Variants in SLCO6A1 observed in about 807,000 individuals in gnomAD.
SLCO6A1 encodes the protein solute carrier organic anion transporter family member 6A1.
Under a neutral mutation model 72.7 loss-of-function variants are expected in SLCO6A1, and 65 were observed. The ratio of observed to expected loss-of-function variants is 0.89; its 90% CI spans 0.73 to 1.10. The LOEUF is 1.10. Ranked by LOEUF, SLCO6A1 falls within the 50% of genes least tolerant of loss-of-function variation. The probability of loss-of-function intolerance (pLI) is 0.00; values close to 1 mark genes in which losing one functional copy is unlikely to be tolerated. For missense variants in SLCO6A1, 874 were observed against 872.6 expected (o/e 1.00, Z -0.02); for synonymous variants, 314 against 298.2 (o/e 1.05, Z -0.55).
At position 102,424,749 on chromosome 5, in the gene SLCO6A1, G is replaced by C. The variant is rs114617555; in HGVS notation, c.1277-4728C>G. Among the ~76,000 whole-genome samples, 1,251 of 152,154 alleles carry C rather than the reference G, an allele frequency of 8.2e-3. 18 individuals carry two copies. Among genetic ancestry groups the C allele is most frequent in the African/African-American group, 0.028 (1,174 of 41,500 alleles). On this transcript the variant is annotated intron_variant, in intron 7 of 13. Coordinates refer to ENST00000506729, the MANE Select transcript of SLCO6A1 (RefSeq NM_173488.5). ...CTATTCCAAACAATAGAAAAAGAGGGACTCCTCCTTAATTCATTTTATGAG... is the reference window on the plus strand; with the variant it reads ...CTATTCCAAACAATAGAAAAAGAGGCACTCCTCCTTAATTCATTTTATGAG...
chr5:102,417,963 C>A (rs974620054), intron 8 of SLCO6A1, among the ~76,000 whole-genome samples: 10 of 151,420 alleles, frequency 6.6e-5, no homozygotes, highest in Non-Finnish European at 7.4e-5. Flanking sequence ...CCACTGCACT[C>A]CAGCTTGGGT....
At chr5:102,496,270 A>G (rs950123255) in intron 1 of SLCO6A1, among the ~76,000 whole-genome samples, 2 of 152,204 alleles carry the variant, frequency 1.3e-5, no homozygotes, top group African/African-American at 4.8e-5. Context: ...GACTCACAGG[A>G]AGCAGGTATT....
intron 8 of SLCO6A1, among the ~76,000 whole-genome samples, chr5:102,417,070 T>A (rs753809994): frequency 1.3e-5 from 2 of 152,244 alleles, no homozygotes; most frequent in Non-Finnish European, 2.9e-5. Flanking sequence ...GTATTCCTGA[T>A]GAATTGGTAA....
intron 4 of SLCO6A1, among the ~76,000 whole-genome samples, chr5:102,466,767 TTA>T (rs1485053048): frequency 2.6e-5 from 4 of 152,106 alleles, no homozygotes; most frequent in Non-Finnish European, 5.9e-5. Context: ...TCTCTAATGA[TTA>T]GTGATGTTGA....
intron 11 of SLCO6A1, 137 bp from the exon 12 acceptor site, chr5:102,388,962 T>C: frequency 1.3e-6 from 1 of 762,872 alleles, no homozygotes; most frequent in Non-Finnish European, 2.0e-6. Context: ...ATAATTTATT[T>C]ATAAATAGGA....
chr5:102,434,283 C>A (rs538077824), intron 7 of SLCO6A1, among the ~76,000 whole-genome samples: 36 of 152,114 alleles, frequency 2.4e-4, no homozygotes, highest in Middle Eastern at 6.8e-3. Context: ...GAGAGTGTCC[C>A]CTCTGGACAC....
chr5:102,476,119 G>C (rs1372768422), intron 3 of SLCO6A1, among the ~76,000 whole-genome samples: 2 of 151,980 alleles, frequency 1.3e-5, no homozygotes, highest in Non-Finnish European at 2.9e-5. Flanking sequence ...CACTGCTTGG[G>C]TGATGGGTGC....
rs568833412 is a variant in SLCO6A1, at chr5:102,385,236, CT to C, written c.2017+3451del. Among the ~76,000 whole-genome samples the C allele has an allele frequency of 1.4e-4, 22 of 152,212 alleles. No homozygotes were observed. In the South Asian group the frequency reaches 4.4e-3, roughly 30 times the overall value. On this transcript the variant is annotated intron_variant, in intron 12 of 13. Coordinates refer to ENST00000506729, the MANE Select transcript of SLCO6A1 (RefSeq NM_173488.5). ...TCTCTTACTGCTTTCAAAATTCTCT[CT>C]TGCCTTTGACTTTTGTGAATTTGAT...
At chr5:102,448,443 T>C (rs1750235323) in intron 6 of SLCO6A1, among the ~76,000 whole-genome samples, 1 of 149,728 alleles carries the variant, frequency 6.7e-6, no homozygotes, top group Non-Finnish European at 1.5e-5. Flanking sequence ...TCTGCCTCAG[T>C]GATCTGTCCA....
At chr5:102,482,232 G>A (rs775722202) in intron 1 of SLCO6A1, among the ~76,000 whole-genome samples, 4 of 151,850 alleles carry the variant, frequency 2.6e-5, no homozygotes, top group Non-Finnish European at 5.9e-5. Flanking sequence ...AAATAAAATA[G>A]GAAAGGAGAG....
chr5:102,477,122 A>G (rs1580500463), intron 3 of SLCO6A1, among the ~76,000 whole-genome samples: 5 of 144,714 alleles, frequency 3.5e-5, no homozygotes, highest in Admixed American at 3.3e-4. Flanking sequence ...TTACTTAAGA[A>G]AGTATTTTTT....
chr5:102,410,864 T>C (rs1225795065), intron 9 of SLCO6A1, among the ~76,000 whole-genome samples: 1 of 152,122 alleles, frequency 6.6e-6, no homozygotes, highest in Non-Finnish European at 1.5e-5. Flanking sequence ...AACAAAAGCA[T>C]ACAAGTTAGG....
chr5:102,476,907 G>A (rs1751928536), intron 3 of SLCO6A1, among the ~76,000 whole-genome samples: 1 of 151,902 alleles, frequency 6.6e-6, no homozygotes, highest in African/African-American at 2.4e-5. Flanking sequence ...TGTACAAATA[G>A]ATGATCTACC....
intron 4 of SLCO6A1, among the ~76,000 whole-genome samples, chr5:102,469,261 T>C (rs10060409): frequency 0.64 from 97,020 of 151,812 alleles, 31,186 homozygotes; most frequent in African/African-American, 0.66. Context: ...GCAGTATGGC[T>C]ATTTTCACGA....
At chr5:102,437,428 T>A (rs944636241) in intron 7 of SLCO6A1, among the ~76,000 whole-genome samples, 1 of 152,122 alleles carries the variant, frequency 6.6e-6, no homozygotes, top group Non-Finnish European at 1.5e-5. Flanking sequence ...ATCCAGGAGC[T>A]TGAGGGAGTC....
intron 1 of SLCO6A1, among the ~76,000 whole-genome samples, chr5:102,485,810 T>C (rs1381982852): frequency 6.6e-6 from 1 of 152,190 alleles, no homozygotes; most frequent in Non-Finnish European, 1.5e-5. Flanking sequence ...GGGAATCATT[T>C]AGACTGACTG....
chr5:102,386,464 G>A (rs1746423495), intron 12 of SLCO6A1, among the ~76,000 whole-genome samples: 1 of 152,152 alleles, frequency 6.6e-6, no homozygotes, highest in South Asian at 2.1e-4. Context: ...CTACTGGAGT[G>A]AGCCTGGACC....
At chr5:102,398,035 C>G (rs951233629) in intron 10 of SLCO6A1, among the ~76,000 whole-genome samples, 3 of 152,070 alleles carry the variant, frequency 2.0e-5, no homozygotes, top group African/African-American at 7.2e-5. Context: ...TTGTACTGAT[C>G]ATCTTCAGTC....
chr5:102,468,803 TAA>T (rs1369621021), intron 4 of SLCO6A1, among the ~76,000 whole-genome samples: 2 of 152,184 alleles, frequency 1.3e-5, no homozygotes, highest in African/African-American at 4.8e-5. Context: ...GTCTTACATT[TAA>T]GTCTTTAATC....
Sources: gnomAD v4.1 joint callset for allele counts (sites outside exome capture counted in the v4.1 genomes callset) on GRCh38, gnomAD v4.1.1 for gene constraint, MANE v1.5 for transcripts, NCBI Gene and HGNC (gene_info 2026-07-23, HGNC 2026-07-21) for gene names.